CAMKMT: variants seen among roughly 807,000 people sequenced by gnomAD.
CAMKMT encodes CaM KMT.
A neutral mutation model predicts 48.0 loss-of-function variants in CAMKMT; 53 were observed. The observed-to-expected ratio is 1.10, with a 90% CI of 0.89 to 1.39. The LOEUF (loss-of-function observed/expected upper bound fraction) is 1.39, where lower values mean the gene tolerates loss of function less well. Ranked by LOEUF, CAMKMT falls within the 40% of genes most tolerant of loss-of-function variation. The pLI is 0.00. For missense variants in CAMKMT, 428 were observed against 402.7 expected (o/e 1.06, Z -0.54); for synonymous variants, 165 against 152.3 (o/e 1.08, Z -0.61).
At chr2:44,457,798 T>C (rs1667645879) in intron 3 of CAMKMT, among the ~76,000 whole-genome samples, 1 of 152,124 alleles carries the variant, frequency 6.6e-6, no homozygotes, top group Admixed American at 6.5e-5. Flanking sequence ...CCTCAATATT[T>C]GTTTTCTTCT....
chr2:44,597,081 C>T (rs1224360496), intron 3 of CAMKMT, among the ~76,000 whole-genome samples: 1 of 152,164 alleles, frequency 6.6e-6, no homozygotes, highest in African/African-American at 2.4e-5. Context: ...AGTGTAGTTT[C>T]AAGTTCGTCA....
chr2:44,441,948 G>A (rs953675603), intron 3 of CAMKMT, among the ~76,000 whole-genome samples: 2 of 151,982 alleles, frequency 1.3e-5, no homozygotes, highest in Admixed American at 6.6e-5. Flanking sequence ...CAGCACCTGC[G>A]GTATGCAGCT....
intron 1 of CAMKMT, among the ~76,000 whole-genome samples, chr2:44,366,396 A>G (rs988675915): frequency 3.3e-5 from 5 of 152,170 alleles, no homozygotes; most frequent in Non-Finnish European, 7.3e-5. Context: ...TTGTTTTGGA[A>G]TGTATTTTTG....
At chr2:44,575,159 A>G (rs974047249) in intron 3 of CAMKMT, among the ~76,000 whole-genome samples, 3 of 151,954 alleles carry the variant, frequency 2.0e-5, no homozygotes, top group Non-Finnish European at 4.4e-5. Flanking sequence ...GCTCACTGCA[A>G]CCTCCGTCTC....
At chr2:44,536,613 C>T (rs1323826825) in intron 3 of CAMKMT, among the ~76,000 whole-genome samples, 1 of 151,978 alleles carries the variant, frequency 6.6e-6, no homozygotes, top group Non-Finnish European at 1.5e-5. Context: ...CAGGTGTGAG[C>T]CACTACACCT....
intron 3 of CAMKMT, among the ~76,000 whole-genome samples, chr2:44,528,027 T>C (rs1666257831): frequency 6.6e-6 from 1 of 152,160 alleles, no homozygotes; most frequent in African/African-American, 2.4e-5. Flanking sequence ...GTAGTTCTTT[T>C]AAAAACTACA....
chr2:44,551,436 C>G (rs767058994), intron 3 of CAMKMT, among the ~76,000 whole-genome samples: 11 of 152,082 alleles, frequency 7.2e-5, no homozygotes, highest in Non-Finnish European at 1.6e-4. Context: ...ACCACTGGGC[C>G]TTGAAACTCC....
In CAMKMT at chr2:44,426,535, G is replaced by C. The variant is rs144228212; in HGVS notation, c.376+36230G>C. Among the ~76,000 whole-genome samples the C allele has an allele frequency of 1.0e-3, 158 of 152,220 alleles. 1 individual carries two copies. The highest frequency in any genetic ancestry group is 3.7e-3 in the African/African-American group (155 of 41,552). On this transcript the variant is annotated intron_variant, in intron 3 of 10. Transcript: ENST00000378494. Reference sequence around the variant, plus strand: ...GTACAAAAATCTGTAGCATTTCTATGTACCAATAACATTCAAGCTGAGAAC... The same window carrying C: ...GTACAAAAATCTGTAGCATTTCTATCTACCAATAACATTCAAGCTGAGAAC...
intron 3 of CAMKMT, among the ~76,000 whole-genome samples, chr2:44,615,909 C>T (rs1374809162): frequency 6.6e-6 from 1 of 152,022 alleles, no homozygotes; most frequent in Non-Finnish European, 1.5e-5. Context: ...TCCCATGTCA[C>T]CAAAACATCC....
chr2:44,392,823 T>A (rs1312211146), intron 3 of CAMKMT, among the ~76,000 whole-genome samples: 1 of 152,162 alleles, frequency 6.6e-6, no homozygotes, highest in East Asian at 1.9e-4. Context: ...GAAAGTTCCA[T>A]ACAAGAGTAT....
At chr2:44,538,090 C>T (rs1316829602) in intron 3 of CAMKMT, among the ~76,000 whole-genome samples, 1 of 152,094 alleles carries the variant, frequency 6.6e-6, no homozygotes, top group African/African-American at 2.4e-5. Context: ...GAAAATGTGG[C>T]CGGGCGTGGT....
intron 3 of CAMKMT, among the ~76,000 whole-genome samples, chr2:44,567,092 G>T (rs1668655598): frequency 6.6e-6 from 1 of 152,122 alleles, no homozygotes; most frequent in Non-Finnish European, 1.5e-5. Context: ...TTGACCAAGG[G>T]ATTCCTGTGT....
intron 2 of CAMKMT, among the ~76,000 whole-genome samples, chr2:44,374,089 G>A (rs1455445061): frequency 8.1e-6 from 1 of 123,622 alleles, no homozygotes; most frequent in Non-Finnish European, 1.6e-5. Context: ...TTGCATTCTA[G>A]CCTGGATGAC....
chr2:44,754,093 C>A lies in CAMKMT; in HGVS notation c.737C>A (p.Ala246Glu). The stretch of plus-strand genomic sequence containing the variant: ...CAGTACAGAGCCAGCCTTGTTGATG[C>A]AATAAAGAGATTACTCCAGCCCAGG... ...LDQYRASLVD[A>E]IKRLLQPRGK... The change falls in exon 9 of 11, where the codon GCA becomes GAA. Residue 246 changes from alanine (A) to glutamate (E), a missense_variant. Physicochemically the swap from Ala to Glu is moderately radical, Grantham distance 107. Transcript: ENST00000378494. 2 of 1,613,812 alleles carry A rather than the reference C, an allele frequency of 1.2e-6. No individual in the cohort carries two copies. Among genetic ancestry groups the A allele is most frequent in the Non-Finnish European group, 1.7e-6 (2 of 1,179,750 alleles).
chr2:44,401,827 T>C (rs1009543721), intron 3 of CAMKMT, among the ~76,000 whole-genome samples: 4 of 152,212 alleles, frequency 2.6e-5, no homozygotes, highest in African/African-American at 9.7e-5. Flanking sequence ...GTTTGACCTC[T>C]ACACCAGCAA....
intron 3 of CAMKMT, among the ~76,000 whole-genome samples, chr2:44,456,079 C>T (rs988202238): frequency 8.6e-5 from 13 of 152,014 alleles, no homozygotes; most frequent in South Asian, 2.1e-4. Flanking sequence ...GTCTTGTAAC[C>T]TAAATGGTGC....
At chr2:44,608,547 A>G (rs1216990768) in intron 3 of CAMKMT, among the ~76,000 whole-genome samples, 1 of 152,194 alleles carries the variant, frequency 6.6e-6, no homozygotes, top group Non-Finnish European at 1.5e-5. Flanking sequence ...GGGAACATTC[A>G]GTATCCCTTT....
chr2:44,521,734 A>G (rs980364946), intron 3 of CAMKMT, among the ~76,000 whole-genome samples: 3 of 152,206 alleles, frequency 2.0e-5, no homozygotes, highest in Non-Finnish European at 4.4e-5. Flanking sequence ...GACAGGTTAT[A>G]ATGTCAGCTA....
At chr2:44,608,089 T>G (rs1572908076) in intron 3 of CAMKMT, among the ~76,000 whole-genome samples, 1 of 84,380 alleles carries the variant, frequency 1.2e-5, no homozygotes, top group Non-Finnish European at 2.5e-5. Flanking sequence ...TTTTTTTTTT[T>G]TGAGACGGAG....
Sources: gnomAD v4.1 joint callset for allele counts (sites outside exome capture counted in the v4.1 genomes callset) on GRCh38, gnomAD v4.1.1 for gene constraint, MANE v1.5 for transcripts, NCBI Gene and HGNC (gene_info 2026-07-23, HGNC 2026-07-21) for gene names.